The following KLHL28 variants were observed in gnomAD, a reference collection of about 807,000 sequenced individuals.
The protein encoded by KLHL28 is kelch like family member 28.
In KLHL28, 22 loss-of-function variants were observed where a neutral mutation model predicts 48.3. The observed-to-expected ratio is 0.46, with a 90% confidence interval of 0.33 to 0.65. The LOEUF (loss-of-function observed/expected upper bound fraction) is 0.65. Among genes scored for constraint, KLHL28 ranks in the 30% least tolerant of loss-of-function variants. The probability of loss-of-function intolerance (pLI) is 0.03; values close to 1 mark genes in which losing one functional copy is unlikely to be tolerated. For synonymous variants in KLHL28, 243 were observed against 242.4 expected (o/e 1.00, Z -0.02); for missense variants, 527 against 704.3 (o/e 0.75, Z 2.85).
intron 2 of KLHL28, among the ~76,000 whole-genome samples, chr14:44,943,523 G>A (rs1884190327): frequency 6.6e-6 from 1 of 152,122 alleles, no homozygotes; most frequent in African/African-American, 2.4e-5. Flanking sequence ...TGGGCATGAT[G>A]GCACATGCCT....
At chr14:44,957,539 A>G (rs1288523528) in intron 1 of KLHL28, among the ~76,000 whole-genome samples, 2 of 152,224 alleles carry the variant, frequency 1.3e-5, no homozygotes, top group Non-Finnish European at 1.5e-5. Context: ...TACTGAATCA[A>G]TTTATAATTG....
In KLHL28 at chr14:44,929,153, C is replaced by T. The variant is rs774632076; in HGVS notation, c.1591G>A (p.Val531Ile). 21 of 1,611,958 alleles carry T rather than the reference C, an allele frequency of 1.3e-5. No individual in the cohort carries two copies. Among genetic ancestry groups the T allele is most frequent in the Non-Finnish European group, 1.4e-5 (17 of 1,178,972 alleles). The change falls in exon 5 of 5, where the codon GTC becomes ATC. Residue 531 changes from valine to isoleucine, a missense_variant. Physicochemically the swap from Val to Ile is conservative, Grantham distance 29. Coordinates refer to ENST00000396128, the MANE Select transcript of KLHL28 (RefSeq NM_017658.5). Reference sequence around the variant, plus strand: ...TAGGAAGACCCTGAGTGACCACCGACGACATAAAGGTAGTTATCGATTACA... The same window carrying T: ...TAGGAAGACCCTGAGTGACCACCGATGACATAAAGGTAGTTATCGATTACA... The part of the protein sequence containing the change: ...AAVIDNYLYV[V>I]GGHSGSSYLN...
chr14:44,956,472 A>C (rs1486321228), intron 1 of KLHL28, among the ~76,000 whole-genome samples: 1 of 152,238 alleles, frequency 6.6e-6, no homozygotes, highest in Non-Finnish European at 1.5e-5. Context: ...ACCAAAGTCA[A>C]GCAAATTAAA....
chr14:44,931,745 C>T (rs1450557985), intron 3 of KLHL28, among the ~76,000 whole-genome samples: 1 of 152,116 alleles, frequency 6.6e-6, no homozygotes, highest in East Asian at 1.9e-4. Context: ...ATTCCATATG[C>T]TATTCCATTA....
Position 44,934,182 on chromosome 14 carries a change from A to T in KLHL28, c.1276T>A (p.Phe426Ile). Reference protein sequence around the residue: ...VAPMTTTRSCFAAAVLDGMIY... With the variant: ...VAPMTTTRSCIAAAVLDGMIY... ...ATTCCATCCAATACCGCTGCAGCAAAACAACTTCTTGTTGTCGTCATTGGT... is the reference window on the plus strand; with the variant it reads ...ATTCCATCCAATACCGCTGCAGCAATACAACTTCTTGTTGTCGTCATTGGT... The change falls in exon 3 of 5, where the codon TTT (phenylalanine) becomes ATT (isoleucine). Residue 426 changes from phenylalanine to isoleucine, a missense_variant. Transcript: ENST00000396128. The T allele has an allele frequency of 6.2e-7, 1 of 1,614,138 alleles. No individual in the cohort carries two copies. The highest frequency in any genetic ancestry group is 8.5e-7 in the Non-Finnish European group (1 of 1,180,010).
At chr14:44,930,124 C>T (rs1883519302) in intron 4 of KLHL28, among the ~76,000 whole-genome samples, 2 of 152,110 alleles carry the variant, frequency 1.3e-5, no homozygotes, top group South Asian at 4.1e-4. Context: ...CTGTGGCTTT[C>T]CCTCTCAAGG....
At chr14:44,951,937 C>T (rs1164590210) in intron 1 of KLHL28, among the ~76,000 whole-genome samples, 1 of 152,136 alleles carries the variant, frequency 6.6e-6, no homozygotes, top group Non-Finnish European at 1.5e-5. Context: ...TTACTCACTG[C>T]AGCCTTGACC....
chr14:44,942,904 G>A (rs1884162021), intron 2 of KLHL28, among the ~76,000 whole-genome samples: 1 of 152,108 alleles, frequency 6.6e-6, no homozygotes, highest in African/African-American at 2.4e-5. Flanking sequence ...TGAACTTGTT[G>A]AAGGTCAATT....
chr14:44,956,329 A>G (rs1183004650), intron 1 of KLHL28, among the ~76,000 whole-genome samples: 1 of 152,194 alleles, frequency 6.6e-6, no homozygotes, highest in Non-Finnish European at 1.5e-5. Context: ...ATCATTTTGC[A>G]TCCTTAATAA....
chr14:44,942,769 T>C (rs1405097370), intron 2 of KLHL28, among the ~76,000 whole-genome samples: 1 of 152,192 alleles, frequency 6.6e-6, no homozygotes, highest in Admixed American at 6.5e-5. Context: ...TGAAGTTCTC[T>C]ACAATTCCTC....
intron 1 of KLHL28, among the ~76,000 whole-genome samples, chr14:44,953,167 G>A (rs1000118011): frequency 4.6e-5 from 7 of 152,200 alleles, no homozygotes; most frequent in Non-Finnish European, 8.8e-5. Flanking sequence ...TGCAGGTTTA[G>A]TATATGATAA....
In KLHL28 at chr14:44,945,500, A is replaced by C; in HGVS notation, c.429T>G (p.Phe143Leu). 2 of 1,614,244 alleles carry C rather than the reference A, an allele frequency of 1.2e-6. No individual in the cohort carries two copies. Among genetic ancestry groups the C allele is most frequent in the Non-Finnish European group, 1.7e-6 (2 of 1,180,038 alleles). Residue 143 changes from phenylalanine (F) to leucine (L), a missense_variant, in exon 2 of 5, where the codon TTT (phenylalanine) becomes TTG (leucine). By Grantham distance (22) the Phe-to-Leu change is conservative. Transcript: ENST00000396128. ...DPGNCIGISR[F>L]AETYGCRDLY... ...GGTCACGGCAACCATATGTTTCTGC[A>C]AAACGAGAAATTCCAATACAATTAC...
chr14:44,950,090 A>C (rs1043926348), intron 1 of KLHL28, among the ~76,000 whole-genome samples: 2 of 152,100 alleles, frequency 1.3e-5, no homozygotes, highest in African/African-American at 4.8e-5. Flanking sequence ...AAAACCAAGG[A>C]ATGAAGGTTA....
Position 44,947,731 on chromosome 14 carries a change from A to G in KLHL28, c.1-1803T>C, listed in dbSNP as rs999475138. Among the ~76,000 whole-genome samples, 8 of 152,160 alleles carry G rather than the reference A, an allele frequency of 5.3e-5. No individual in the cohort carries two copies. The East Asian group carries it at 1.3e-3, about 26-fold the overall frequency. On this transcript the variant is annotated intron_variant, in intron 1 of 4. Transcript: ENST00000396128. ...AACTCTTGAAATTTTTATCTTTGTCAAGTACGTAATTGTTTCATACTTATT... is the reference window on the plus strand; with the variant it reads ...AACTCTTGAAATTTTTATCTTTGTCGAGTACGTAATTGTTTCATACTTATT...
chr14:44,934,998 T>C (rs1336541142), intron 2 of KLHL28, among the ~76,000 whole-genome samples: 1 of 152,180 alleles, frequency 6.6e-6, no homozygotes, highest in Non-Finnish European at 1.5e-5. Flanking sequence ...ACTCTACTGA[T>C]GAAAAAGGCA....
At chr14:44,956,166 G>A (rs147815198) in intron 1 of KLHL28, among the ~76,000 whole-genome samples, 1 of 152,124 alleles carries the variant, frequency 6.6e-6, no homozygotes, top group Non-Finnish European at 1.5e-5. Flanking sequence ...TTGCTACCTT[G>A]CCGAAACTAG....
At chr14:44,930,074 A>C (rs1204957911) in intron 4 of KLHL28, among the ~76,000 whole-genome samples, 5 of 152,324 alleles carry the variant, frequency 3.3e-5, no homozygotes, top group South Asian at 2.1e-4. Flanking sequence ...TAGTTCTAAA[A>C]AGAAACAGTT....
chr14:44,948,459 T>C (rs1334754094), intron 1 of KLHL28, among the ~76,000 whole-genome samples: 1 of 152,164 alleles, frequency 6.6e-6, no homozygotes, highest in African/African-American at 2.4e-5. Flanking sequence ...GGTGGAATAA[T>C]AGGTACCAGC....
chr14:44,929,812 C>T (rs373067345), intron 4 of KLHL28, among the ~76,000 whole-genome samples: 1 of 152,168 alleles, frequency 6.6e-6, no homozygotes, highest in Non-Finnish European at 1.5e-5. Flanking sequence ...AGGACCCTGT[C>T]TAGACACTGA....
Sources: allele counts gnomAD v4.1 joint callset (sites outside exome capture counted in the v4.1 genomes callset), GRCh38; gene constraint gnomAD v4.1.1; transcripts MANE v1.5; gene names NCBI Gene and HGNC (gene_info 2026-07-23, HGNC 2026-07-21).